HMCN1: variants seen among roughly 807,000 people sequenced by gnomAD.
The protein encoded by HMCN1 is hemicentin 1.
HMCN1 carries 321 observed loss-of-function variants against 625.9 expected under a neutral mutation model. The observed-to-expected ratio is 0.51, with a 90% CI of 0.47 to 0.56. The LOEUF is 0.56. Ranked by LOEUF, HMCN1 falls within the 20% of genes least tolerant of loss-of-function variation. The pLI, the probability that HMCN1 is intolerant of heterozygous loss-of-function variation, is 0.00. For missense variants in HMCN1, 6,588 were observed against 6,887.3 expected, an observed-to-expected ratio of 0.96 and a Z score of 1.54; for synonymous variants, 2,425 against 2,417.6, an observed-to-expected ratio of 1.00 and a Z score of -0.09.
chr1:185,813,351 G>A (rs1223770926), intron 1 of HMCN1, among the ~76,000 whole-genome samples: 1 of 152,040 alleles, frequency 6.6e-6, no homozygotes, highest in Non-Finnish European at 1.5e-5. Flanking sequence ...AAAAGCAAAT[G>A]GAATAGGTTG....
At position 186,130,533 on chromosome 1, in the gene HMCN1, C is replaced by T; in HGVS notation, c.13066C>T (p.Pro4356Ser). ...ACCTCCAGTCTTCAAAGGTGATTAT[C>T]CTTCTAACTGGATTGAACCACTTGG... ...KEPPVFKGDY[P>S]SNWIEPLGGN... The change falls in exon 85 of 107, where the codon CCT becomes TCT. Residue 4356 changes from proline (P) to serine (S), a missense_variant. Physicochemically the swap from Pro to Ser is moderately conservative, Grantham distance 74 (BLOSUM62 -1). Transcript: ENST00000271588. 1 of 1,613,444 alleles carries T rather than the reference C, an allele frequency of 6.2e-7. No individual in the cohort carries two copies. The highest frequency in any genetic ancestry group is 1.1e-5 in the South Asian group (1 of 91,072).
chr1:185,884,595 A>G (rs1376900658), intron 4 of HMCN1, among the ~76,000 whole-genome samples: 1 of 151,952 alleles, frequency 6.6e-6, no homozygotes, highest in South Asian at 2.1e-4. Flanking sequence ...GTTACTTTCT[A>G]TATTTTGCCT....
At chr1:186,119,137 G>A in intron 77 of HMCN1, 54 bp from the exon 78 acceptor site, 1 of 1,302,210 alleles carries the variant, frequency 7.7e-7, no homozygotes, top group Non-Finnish European at 1.1e-6. Context: ...AAATTTTATT[G>A]AACTAAAAAA....
intron 52 of HMCN1, among the ~76,000 whole-genome samples, chr1:186,071,941 A>G (rs1345295168): frequency 6.6e-6 from 1 of 152,186 alleles, no homozygotes; most frequent in Admixed American, 6.5e-5. Context: ...ACATGAACAC[A>G]TACACACATT....
intron 1 of HMCN1, among the ~76,000 whole-genome samples, chr1:185,840,319 T>C (rs1182715605): frequency 1.3e-5 from 2 of 152,234 alleles, no homozygotes; most frequent in Non-Finnish European, 2.9e-5. Flanking sequence ...CCTTTGAATA[T>C]GTATATTTAT....
At chr1:186,173,206 A>C (rs1410042092) in intron 102 of HMCN1, among the ~76,000 whole-genome samples, 3 of 152,160 alleles carry the variant, frequency 2.0e-5, no homozygotes, top group Non-Finnish European at 4.4e-5. Flanking sequence ...TGTATCTTGG[A>C]TTTGTTTCAG....
At chr1:185,839,112 A>C (rs898733826) in intron 1 of HMCN1, among the ~76,000 whole-genome samples, 1 of 152,294 alleles carries the variant, frequency 6.6e-6, no homozygotes, top group Admixed American at 6.5e-5. Flanking sequence ...AAATTTCAAC[A>C]ATGTTTAATG....
At chr1:186,134,644 GA>G (rs888672617) in intron 86 of HMCN1, among the ~76,000 whole-genome samples, 4 of 152,042 alleles carry the variant, frequency 2.6e-5, no homozygotes, top group African/African-American at 7.2e-5. Context: ...TACCTTTGCA[GA>G]AAAAAACTAA....
At chr1:185,853,969 C>G (rs1662313979) in intron 2 of HMCN1, among the ~76,000 whole-genome samples, 1 of 152,156 alleles carries the variant, frequency 6.6e-6, no homozygotes, top group Admixed American at 6.5e-5. Context: ...AACTATGATG[C>G]CTGGATTCAA....
At chr1:186,109,241 A>G (rs1660766070) in intron 71 of HMCN1, among the ~76,000 whole-genome samples, 1 of 152,234 alleles carries the variant, frequency 6.6e-6, no homozygotes, top group Non-Finnish European at 1.5e-5. Context: ...TGTAACCTAC[A>G]CTTTGTTTCT....
intron 4 of HMCN1, among the ~76,000 whole-genome samples, chr1:185,893,552 G>C (rs539721024): frequency 6.6e-6 from 1 of 152,156 alleles, no homozygotes; most frequent in Middle Eastern, 3.4e-3. Context: ...ATGGTTTCCC[G>C]AGTGTGTGGT....
chr1:186,085,702 C>T (rs116413724), intron 57 of HMCN1, among the ~76,000 whole-genome samples: 1,861 of 152,054 alleles, frequency 0.012, 18 homozygotes, highest in Admixed American at 0.024. Context: ...ACCATCAAAT[C>T]GAGAGTACTG....
At chr1:186,033,515 T>C (rs1040140623) in intron 36 of HMCN1, among the ~76,000 whole-genome samples, 1 of 152,192 alleles carries the variant, frequency 6.6e-6, no homozygotes, top group Non-Finnish European at 1.5e-5. Context: ...CTAAATTACT[T>C]AATTCCCAAA....
At chr1:185,921,628 T>C (rs2102473706) in intron 6 of HMCN1, among the ~76,000 whole-genome samples, 1 of 152,350 alleles carries the variant, frequency 6.6e-6, no homozygotes, top group South Asian at 2.1e-4. Context: ...TAGAGTTGTG[T>C]GAATTTTTTC....
At chr1:185,785,147 G>T (rs535426472) in intron 1 of HMCN1, among the ~76,000 whole-genome samples, 5 of 152,212 alleles carry the variant, frequency 3.3e-5, no homozygotes, top group Non-Finnish European at 7.4e-5. Context: ...TCTTTTTGGG[G>T]GTGTGTTTTC....
At chr1:185,997,371 A>T in intron 24 of HMCN1, 58 bp from the exon 25 acceptor site, 1 of 1,040,892 alleles carries the variant, frequency 9.6e-7, no homozygotes, top group Non-Finnish European at 1.5e-6. Flanking sequence ...ATTGTGCCTT[A>T]GGAGAGTTTG....
intron 49 of HMCN1, among the ~76,000 whole-genome samples, 168 bp from the exon 50 acceptor site, chr1:186,067,666 G>GT (rs1658214766): frequency 6.6e-6 from 1 of 151,830 alleles, no homozygotes; most frequent in South Asian, 2.1e-4. Context: ...TACCCTATGA[G>GT]TTTTTTAAGG....
intron 1 of HMCN1, among the ~76,000 whole-genome samples, chr1:185,777,804 C>A (rs1367296238): frequency 3.9e-5 from 6 of 152,184 alleles, no homozygotes; most frequent in Admixed American, 3.9e-4. Flanking sequence ...TATCCTCCAG[C>A]TGGTTGTGAT....
At chr1:186,063,083 T>TGC (rs1314162945) in intron 48 of HMCN1, among the ~76,000 whole-genome samples, 7 of 124,488 alleles carry the variant, frequency 5.6e-5, no homozygotes, top group African/African-American at 2.1e-4. Flanking sequence ...TATATATATA[T>TGC]ATATATATAT....
Sources: gnomAD v4.1 joint callset for allele counts (sites outside exome capture counted in the v4.1 genomes callset) on GRCh38, gnomAD v4.1.1 for gene constraint, MANE v1.5 for transcripts, NCBI Gene and HGNC (gene_info 2026-07-23, HGNC 2026-07-21) for gene names.